SYTL2: variants seen among roughly 807,000 people sequenced by gnomAD.
The protein encoded by SYTL2 is synaptotagmin like 2, also known as synaptotagmin-like protein 2.
SYTL2 carries 165 observed loss-of-function variants against 198.7 expected under a neutral mutation model. The ratio of observed to expected loss-of-function variants is 0.83; its 90% CI spans 0.73 to 0.94. The LOEUF (loss-of-function observed/expected upper bound fraction) is 0.94, where lower values mean the gene tolerates loss of function less well. Ranked by LOEUF, SYTL2 falls within the 40% of genes least tolerant of loss-of-function variation. The pLI is 0.00. For synonymous variants in SYTL2, 966 were observed against 917.7 expected (o/e 1.05, Z -0.95); for missense variants, 2,835 against 2,582.8 (o/e 1.10, Z -2.12).
At chr11:85,764,363 T>C (rs1166566971) in intron 1 of SYTL2, among the ~76,000 whole-genome samples, 2 of 152,194 alleles carry the variant, frequency 1.3e-5, no homozygotes, top group Non-Finnish European at 2.9e-5. Flanking sequence ...CTGACCACCA[T>C]GCAGATAGGT....
intron 11 of SYTL2, chr11:85,715,057 AT>A (rs2086942739): frequency 6.6e-6 from 1 of 152,176 alleles, no homozygotes; most frequent in African/African-American, 2.4e-5. Flanking sequence ...AATAAACATT[AT>A]TTTTTGAAAA....
intron 2 of SYTL2, among the ~76,000 whole-genome samples, chr11:85,757,306 G>T (rs1399020316): frequency 6.6e-6 from 1 of 152,016 alleles, no homozygotes; most frequent in African/African-American, 2.4e-5. Context: ...TTTTTTAAGT[G>T]GATAGAAATA....
chr11:85,744,022 G>C (rs1033500513), intron 4 of SYTL2, among the ~76,000 whole-genome samples: 1 of 152,016 alleles, frequency 6.6e-6, no homozygotes, highest in Non-Finnish European at 1.5e-5. Flanking sequence ...TCTTTAACAT[G>C]ACAATATTTT....
At chr11:85,752,721 C>T (rs928223188) in intron 2 of SYTL2, among the ~76,000 whole-genome samples, 1 of 151,784 alleles carries the variant, frequency 6.6e-6, no homozygotes, top group African/African-American at 2.4e-5. Context: ...TCCTGCGGGG[C>T]ACTTACCCTC....
At chr11:85,788,476 A>G (rs1328357315) in intron 1 of SYTL2, among the ~76,000 whole-genome samples, 2 of 152,202 alleles carry the variant, frequency 1.3e-5, no homozygotes, top group Non-Finnish European at 2.9e-5. Context: ...TTGCTTATAA[A>G]TATGTTGTGA....
At chr11:85,821,159 G>A in the SYTL2 span, among the ~76,000 whole-genome samples, 1 of 152,136 alleles carries the variant, frequency 6.6e-6, no homozygotes, top group African/African-American at 2.4e-5. Context: ...ATTCTAAGAT[G>A]CACATCTTTT....
intron 4 of SYTL2, among the ~76,000 whole-genome samples, chr11:85,738,611 C>T (rs939420259): frequency 2.0e-5 from 3 of 152,136 alleles, no homozygotes; most frequent in Non-Finnish European, 4.4e-5. Context: ...ATAATTCAGT[C>T]TCTATATAAT....
At chr11:85,788,500 A>T (rs2092672685) in intron 1 of SYTL2, among the ~76,000 whole-genome samples, 1 of 152,206 alleles carries the variant, frequency 6.6e-6, no homozygotes, top group Non-Finnish European at 1.5e-5. Flanking sequence ...TGTGAAATAT[A>T]CACAAGTTGT....
the SYTL2 span, among the ~76,000 whole-genome samples, chr11:85,846,531 G>A: frequency 6.6e-5 from 10 of 151,996 alleles, no homozygotes; most frequent in South Asian, 2.1e-4. Flanking sequence ...AGGTCCAAGC[G>A]ATTCTCCTGC....
At chr11:85,772,849 C>A (rs1387000623) in intron 1 of SYTL2, among the ~76,000 whole-genome samples, 1 of 152,222 alleles carries the variant, frequency 6.6e-6, no homozygotes, top group Non-Finnish European at 1.5e-5. Flanking sequence ...ATTCCCCCTA[C>A]CACACAGCCT....
intron 1 of SYTL2, among the ~76,000 whole-genome samples, chr11:85,791,500 G>A (rs982520911): frequency 6.6e-6 from 1 of 152,162 alleles, no homozygotes; most frequent in Admixed American, 6.5e-5. Context: ...CTCAGCCTCA[G>A]TATCTCATCC....
rs764660520 is a variant in SYTL2 at position 85,726,735 on chromosome 11, T to C, written c.2623A>G (p.Asn875Asp). ...TGTGGCTTGGTCTCTTTAGATTTAT[T>C]TGAGGAATAAGAATTGGAGAGCTGG... ...ASQLSNSYSS[N>D]KSKETKPQIA... Residue 875 changes from asparagine (N) to aspartate (D), a missense_variant, in exon 8 of 20, where the codon AAT (asparagine) becomes GAT (aspartate). Transcript: ENST00000359152. 2.1e-5 allele frequency: 32 copies of C among 1,536,152 alleles called. No homozygotes were observed. In the East Asian group the frequency reaches 7.3e-4, roughly 35 times the overall value.
rs537493897 is a variant in SYTL2, at chr11:85,722,404, C to T, written c.5327-1445G>A. ...TTAGCCAGGATGGTCTCGATATCCT[C>T]ACCTCATGATCTGCCCGCCTTGGCC... On this transcript the variant is annotated intron_variant, in intron 8 of 19. Coordinates refer to ENST00000359152, the MANE Select transcript of SYTL2 (RefSeq NM_206927.4). Among the ~76,000 whole-genome samples, 98 of 152,100 alleles carry T rather than the reference C, an allele frequency of 6.4e-4. 1 individual carries two copies. Among genetic ancestry groups the T allele is most frequent in the African/African-American group, 2.2e-3 (93 of 41,516 alleles).
intron 1 of SYTL2, among the ~76,000 whole-genome samples, chr11:85,777,889 C>T (rs929604156): frequency 8.0e-6 from 1 of 125,620 alleles, no homozygotes; most frequent in Non-Finnish European, 1.6e-5. Context: ...GGCATAATCT[C>T]GGCTCACTGC....
chr11:85,754,137 C>T (rs1263714092), intron 2 of SYTL2, among the ~76,000 whole-genome samples: 1 of 152,022 alleles, frequency 6.6e-6, no homozygotes, highest in East Asian at 1.9e-4. Context: ...CCAAATAACA[C>T]CTAGGAGGAA....
chr11:85,707,988 AC>A (rs2085504223), intron 14 of SYTL2: 2 of 280,380 alleles, frequency 7.1e-6, no homozygotes, highest in African/African-American at 4.8e-5. Context: ...ACACACACAC[AC>A]ACACACACAC....
the SYTL2 span, chr11:85,852,952 G>A: frequency 1.0e-3 from 298 of 294,350 alleles, 1 homozygote; most frequent in Non-Finnish European, 1.4e-3. Context: ...CGGCCGCCCC[G>A]TCTGAGAAGT....
the SYTL2 span, among the ~76,000 whole-genome samples, chr11:85,829,792 T>G: frequency 1.3e-5 from 2 of 152,230 alleles, no homozygotes; most frequent in Non-Finnish European, 2.9e-5. Context: ...TCTCTGATGA[T>G]TAATGATGCT....
chr11:85,722,335 G>A (rs932108882), intron 8 of SYTL2, among the ~76,000 whole-genome samples: 46 of 151,738 alleles, frequency 3.0e-4, no homozygotes, highest in African/African-American at 9.9e-4. Context: ...CACCACGCCC[G>A]GCTACTTTAT....
Sources: gnomAD v4.1 joint callset for allele counts (sites outside exome capture counted in the v4.1 genomes callset) on GRCh38, gnomAD v4.1.1 for gene constraint, MANE v1.5 for transcripts, NCBI Gene and HGNC (gene_info 2026-07-23, HGNC 2026-07-21) for gene names.